The following SEPTIN11 variants were observed in gnomAD, a reference collection of about 807,000 sequenced individuals.
SEPTIN11 encodes septin 11.
SEPTIN11 carries 25 observed loss-of-function variants against 51.4 expected under a neutral mutation model. The observed-to-expected ratio is 0.49, with a 90% CI of 0.35 to 0.68. The LOEUF is 0.68. Among genes scored for constraint, SEPTIN11 ranks in the 30% least tolerant of loss-of-function variants. The probability of loss-of-function intolerance (pLI) is 0.00; values close to 1 mark genes in which losing one functional copy is unlikely to be tolerated. For synonymous variants in SEPTIN11, 174 were observed against 184.1 expected, an observed-to-expected ratio of 0.95 and a Z score of 0.44; for missense variants, 381 against 520.8, an observed-to-expected ratio of 0.73 and a Z score of 2.61.
chr4:76,968,721 G>A (rs1034507272), intron 1 of SEPTIN11, among the ~76,000 whole-genome samples: 3 of 152,108 alleles, frequency 2.0e-5, no homozygotes, highest in African/African-American at 7.2e-5. Flanking sequence ...AAAAAGATGT[G>A]GCAAAATTGC....
intron 2 of SEPTIN11, among the ~76,000 whole-genome samples, chr4:77,001,485 G>C (rs1215314155): frequency 6.6e-6 from 1 of 152,016 alleles, no homozygotes; most frequent in East Asian, 1.9e-4. Context: ...AAGTAGCTGG[G>C]ATTACAGGTG....
intron 1 of SEPTIN11, among the ~76,000 whole-genome samples, chr4:76,967,524 G>C (rs1452110433): frequency 6.6e-6 from 1 of 152,146 alleles, no homozygotes; most frequent in African/African-American, 2.4e-5. Flanking sequence ...GGGGCCTGAT[G>C]GTGCCATAGT....
chr4:77,037,594 G>A lies in SEPTIN11; in HGVS notation c.*3082G>A, dbSNP rs1578220323. 5.1e-6 allele frequency: 5 copies of A among 985,188 alleles called. No homozygotes were observed. Among genetic ancestry groups the A allele is most frequent in the Non-Finnish European group, 6.0e-6 (5 of 829,832 alleles). The allele number at this position is 985,188 out of a possible 1,614,324, so 61.0% of individuals were successfully genotyped here. A position where few individuals can be genotyped will look rare whatever the true frequency, so the allele number is the denominator to read the frequency against. On this transcript the variant is annotated 3_prime_UTR_variant, in exon 10 of 10. Coordinates refer to ENST00000264893, the MANE Select transcript of SEPTIN11 (RefSeq NM_018243.4). ...TCCCTGGTGCTAACTGCTGACAGTG[G>A]CCACCTCTTTTTTGGGGATTGAGGG...
chr4:76,973,950 T>TA (rs1407898080), intron 1 of SEPTIN11, among the ~76,000 whole-genome samples: 1 of 152,216 alleles, frequency 6.6e-6, no homozygotes, highest in African/African-American at 2.4e-5. Context: ...ACATTTTATA[T>TA]TCGTATCACT....
chr4:77,038,241 A>G lies in SEPTIN11; in HGVS notation c.*3729A>G. 2 of 985,756 alleles carry G rather than the reference A, an allele frequency of 2.0e-6. No homozygotes were observed. Among genetic ancestry groups the G allele is most frequent in the Non-Finnish European group, 2.4e-6 (2 of 829,800 alleles). 61.1% of individuals were successfully genotyped at this position (985,756 alleles called of 1,614,324 possible). On this transcript the variant is annotated 3_prime_UTR_variant, in exon 10 of 10. Transcript: ENST00000264893. ...TTTTAAATAAATTGAAAAGCTGTGAACAGCATTAGAACTTTGTCTATTTCT... is the reference window on the plus strand; with the variant it reads ...TTTTAAATAAATTGAAAAGCTGTGAGCAGCATTAGAACTTTGTCTATTTCT...
intron 7 of SEPTIN11, among the ~76,000 whole-genome samples, chr4:77,025,584 A>C (rs1578202167): frequency 6.6e-6 from 1 of 151,984 alleles, no homozygotes; most frequent in Non-Finnish European, 1.5e-5. Flanking sequence ...GGATATCTTT[A>C]CTGAATATGA....
chr4:77,030,478 A>G (rs917236755), intron 8 of SEPTIN11, among the ~76,000 whole-genome samples: 3 of 150,274 alleles, frequency 2.0e-5, no homozygotes, highest in African/African-American at 7.4e-5. Context: ...GCTCACTGCA[A>G]CCTCCGCCTC....
intron 7 of SEPTIN11, 87 bp from the exon 8 acceptor site, chr4:77,028,542 G>C: frequency 7.2e-7 from 1 of 1,381,288 alleles, no homozygotes; most frequent in Non-Finnish European, 9.8e-7. Context: ...TCTATGTTTT[G>C]AAAGTAGATA....
chr4:76,965,771 C>T (rs1187703427), intron 1 of SEPTIN11, among the ~76,000 whole-genome samples: 1 of 152,112 alleles, frequency 6.6e-6, no homozygotes, highest in Non-Finnish European at 1.5e-5. Context: ...TAGTGATTTT[C>T]TCTCATGACA....
intron 5 of SEPTIN11, among the ~76,000 whole-genome samples, chr4:77,016,149 C>T (rs1725206426): frequency 1.3e-5 from 2 of 152,132 alleles, no homozygotes; most frequent in African/African-American, 4.8e-5. Context: ...TAGCACCTGA[C>T]ATTTTTCACA....
intron 1 of SEPTIN11, among the ~76,000 whole-genome samples, chr4:76,971,318 A>G (rs1722230278): frequency 6.6e-6 from 1 of 152,202 alleles, no homozygotes; most frequent in East Asian, 1.9e-4. Context: ...GAGGCTCAGA[A>G]GTAACTTTCC....
At chr4:77,016,675 T>TAC (rs1725336509) in intron 5 of SEPTIN11, among the ~76,000 whole-genome samples, 1 of 135,374 alleles carries the variant, frequency 7.4e-6, no homozygotes, top group Non-Finnish European at 1.6e-5. Flanking sequence ...TATATATATA[T>TAC]GGCCAGGCAC....
intron 3 of SEPTIN11, 38 bp downstream of exon 3, chr4:77,005,834 G>C (rs1444393651): frequency 3.2e-6 from 5 of 1,561,944 alleles, no homozygotes; most frequent in Admixed American, 1.7e-5. Context: ...GAATGGATGA[G>C]GAGATAGCAG....
At chr4:77,016,633 C>CATCTATATATATATATATATATAT (rs1725289168) in intron 5 of SEPTIN11, among the ~76,000 whole-genome samples, 1 of 72,746 alleles carries the variant, frequency 1.4e-5, no homozygotes, top group Non-Finnish European at 2.7e-5. Context: ...TATATATACA[C>CATCTATATATATATATATATATAT]ATATATATAT....
chr4:76,987,945 A>C (rs973721258), intron 1 of SEPTIN11: 3 of 395,036 alleles, frequency 7.6e-6, no homozygotes, highest in African/African-American at 4.3e-5. Context: ...TGTACTGTAC[A>C]TGTCTCCTCT....
At chr4:76,959,896 T>C (rs1425570268) in intron 1 of SEPTIN11, among the ~76,000 whole-genome samples, 1 of 152,232 alleles carries the variant, frequency 6.6e-6, no homozygotes, top group Non-Finnish European at 1.5e-5. Flanking sequence ...ATTTATGGGT[T>C]ACATTAGGTA....
chr4:76,950,328 A>C (rs1413577033), intron 1 of SEPTIN11, among the ~76,000 whole-genome samples: 1 of 152,158 alleles, frequency 6.6e-6, no homozygotes, highest in Non-Finnish European at 1.5e-5. Flanking sequence ...GGGGGCGCTC[A>C]GGGCATGGGA....
rs771644039 is a variant in SEPTIN11, at chr4:77,030,877, A to G, written c.1181A>G (p.Asn394Ser). 1 of 1,613,912 alleles carries G rather than the reference A, an allele frequency of 6.2e-7. No individual in the cohort carries two copies. Among genetic ancestry groups the G allele is most frequent in the South Asian group, 1.1e-5 (1 of 91,070 alleles). ...KKKELEEEVNNFQKKKAAAQL... is the reference protein window; with the variant it reads ...KKKELEEEVNSFQKKKAAAQL... ...AAGGAGCTTGAGGAGGAGGTGAACA[A>G]CTTCCAGAAGAAGAAAGCAGCGGCT... Residue 394 changes from asparagine (N) to serine (S), a missense_variant, in exon 9 of 10, where the codon AAC becomes AGC. Asn to Ser is a conservative substitution (Grantham distance 46, BLOSUM62 1). This residue lies in a region of SEPTIN11 where 197 missense variants were observed against 313.1 expected (regional missense o/e 0.63). Transcript: ENST00000264893.
At chr4:77,004,992 T>A (rs1724383946) in intron 2 of SEPTIN11, among the ~76,000 whole-genome samples, 1 of 152,054 alleles carries the variant, frequency 6.6e-6, no homozygotes. Flanking sequence ...CATATATACA[T>A]ACATACATAA....
Sources: allele counts gnomAD v4.1 joint callset (sites outside exome capture counted in the v4.1 genomes callset), GRCh38; gene constraint gnomAD v4.1.1; regional missense constraint gnomAD v4.1.1; transcripts MANE v1.5; gene names NCBI Gene and HGNC (gene_info 2026-07-23, HGNC 2026-07-21).